SEMA3A: variants seen among roughly 807,000 people sequenced by gnomAD.
SEMA3A encodes the protein semaphorin 3A.
Under a neutral mutation model 97.9 loss-of-function variants are expected in SEMA3A, and 29 were observed. The observed-to-expected ratio is 0.30, with a 90% CI of 0.22 to 0.40. SEMA3A has a LOEUF of 0.40. SEMA3A is among the 10% of genes least tolerant of loss of function. SEMA3A has a pLI of 1.00. For synonymous variants in SEMA3A, 321 were observed against 323.7 expected (o/e 0.99, Z 0.09); for missense variants, 763 against 951.3 (o/e 0.80, Z 2.60).
At chr7:83,996,091 G>T (rs1257230811) in intron 12 of SEMA3A, among the ~76,000 whole-genome samples, 2 of 152,092 alleles carry the variant, frequency 1.3e-5, no homozygotes, top group Admixed American at 1.3e-4. Context: ...ACTTGTTGTA[G>T]CATTTCAGTC....
At chr7:84,006,923 G>A (rs1294013875) in intron 10 of SEMA3A, among the ~76,000 whole-genome samples, 2 of 151,940 alleles carry the variant, frequency 1.3e-5, no homozygotes, top group African/African-American at 4.8e-5. Context: ...AGGAATGTAA[G>A]GTTGTATTTC....
intron 3 of SEMA3A, among the ~76,000 whole-genome samples, chr7:84,303,088 A>C (rs747379360): frequency 2.0e-5 from 3 of 152,202 alleles, no homozygotes; most frequent in Non-Finnish European, 4.4e-5. Context: ...TTTTTCAAAG[A>C]GGTAGGTGAC....
At chr7:84,245,316 C>A (rs1799453970) in intron 3 of SEMA3A, among the ~76,000 whole-genome samples, 1 of 151,922 alleles carries the variant, frequency 6.6e-6, no homozygotes, top group Non-Finnish European at 1.5e-5. Flanking sequence ...CTAATCTTGT[C>A]TTCACACTTT....
At chr7:84,486,002 G>A (rs959420865) in intron 1 of SEMA3A, among the ~76,000 whole-genome samples, 10 of 152,194 alleles carry the variant, frequency 6.6e-5, no homozygotes, top group Non-Finnish European at 1.3e-4. Context: ...TTGGTGAAAT[G>A]GAAATTAGAC....
chr7:83,968,172 A>T (rs1367076415), intron 15 of SEMA3A, among the ~76,000 whole-genome samples: 1 of 152,210 alleles, frequency 6.6e-6, no homozygotes, highest in Non-Finnish European at 1.5e-5. Flanking sequence ...ATATTTTCTG[A>T]AAGATATGAA....
intron 2 of SEMA3A, among the ~76,000 whole-genome samples, chr7:84,131,379 A>G (rs1795957006): frequency 6.6e-6 from 1 of 152,056 alleles, no homozygotes; most frequent in African/African-American, 2.4e-5. Flanking sequence ...TCTTATTCTC[A>G]TTTTCAAAGT....
chr7:84,174,603 G>A (rs1273215376), intron 1 of SEMA3A, among the ~76,000 whole-genome samples: 1 of 152,076 alleles, frequency 6.6e-6, no homozygotes, highest in Non-Finnish European at 1.5e-5. Flanking sequence ...TGTTATTTCA[G>A]TAAACTTAAT....
intron 4 of SEMA3A, among the ~76,000 whole-genome samples, chr7:84,063,936 T>C (rs1159324752): frequency 6.6e-6 from 1 of 150,764 alleles, no homozygotes; most frequent in Non-Finnish European, 1.5e-5. Context: ...AAGATACTCC[T>C]CGAGAAGAGC....
intron 2 of SEMA3A, 78 bp downstream of exon 2, chr7:84,134,716 C>A: frequency 8.8e-7 from 1 of 1,136,174 alleles, no homozygotes; most frequent in Non-Finnish European, 1.2e-6. Flanking sequence ...AGTAATCATG[C>A]TTTTAAATAG....
At chr7:84,152,201 C>G (rs1254235897) in intron 1 of SEMA3A, among the ~76,000 whole-genome samples, 1 of 151,446 alleles carries the variant, frequency 6.6e-6, no homozygotes, top group Non-Finnish European at 1.5e-5. Flanking sequence ...GGTATATACC[C>G]AAAGGACAAT....
intron 6 of SEMA3A, among the ~76,000 whole-genome samples, chr7:84,020,561 GT>G (rs1791291700): frequency 1.3e-5 from 2 of 151,456 alleles, no homozygotes; most frequent in Admixed American, 1.3e-4. Flanking sequence ...AATTTCTTAA[GT>G]TTATAAGTTT....
intron 3 of SEMA3A, chr7:84,306,352 AAAAT>A (rs1801154206): frequency 6.6e-6 from 1 of 152,102 alleles, no homozygotes; most frequent in African/African-American, 2.4e-5. Context: ...CAGATTTACT[AAAAT>A]AAAAATCAAA....
intron 1 of SEMA3A, among the ~76,000 whole-genome samples, chr7:84,446,781 G>T (rs2116354384): frequency 6.6e-6 from 1 of 152,284 alleles, no homozygotes; most frequent in Non-Finnish European, 1.5e-5. Context: ...TGGTAGTGGT[G>T]GCCCATGTGG....
chr7:84,356,105 T>C (rs1165388786), intron 2 of SEMA3A, among the ~76,000 whole-genome samples: 1 of 151,916 alleles, frequency 6.6e-6, no homozygotes, highest in Non-Finnish European at 1.5e-5. Context: ...CAATAAATAG[T>C]ACAGATATTT....
At chr7:84,487,740 T>C (rs1318685408) in intron 1 of SEMA3A, among the ~76,000 whole-genome samples, 1 of 152,138 alleles carries the variant, frequency 6.6e-6, no homozygotes, top group Non-Finnish European at 1.5e-5. Context: ...TCAGATCCTG[T>C]CACCACAGAT....
chr7:84,167,715 CA>C lies in SEMA3A; in HGVS notation c.112+26759del, dbSNP rs1335065552. On this transcript the variant is annotated intron_variant, in intron 1 of 16. Transcript: ENST00000265362. ...GGCTTTTCTATGTTAGACAGATACACAGTTTGAGAATTCCCAATTTCTTCAT... is the reference window on the plus strand; with the variant it reads ...GGCTTTTCTATGTTAGACAGATACACGTTTGAGAATTCCCAATTTCTTCAT... Among the ~76,000 whole-genome samples, 6 of 152,248 alleles carry C rather than the reference CA, an allele frequency of 3.9e-5. No homozygotes were observed. The East Asian group carries it at 9.6e-4, about 24-fold the overall frequency.
chr7:84,406,554 C>T (rs1804095649), intron 1 of SEMA3A, among the ~76,000 whole-genome samples: 2 of 152,072 alleles, frequency 1.3e-5, no homozygotes, highest in Non-Finnish European at 2.9e-5. Context: ...TTTTATGAGG[C>T]CAACATCATC....
intron 2 of SEMA3A, among the ~76,000 whole-genome samples, chr7:84,366,379 C>T (rs2106965): frequency 0.27 from 40,842 of 151,028 alleles, 5,958 homozygotes; most frequent in African/African-American, 0.38. Context: ...ACTTAAGCAT[C>T]AAACAAATAA....
rs548700026 is a variant in SEMA3A at position 84,150,879 on chromosome 7, G to A, written c.113-15928C>T. 2.0e-3 allele frequency among the ~76,000 whole-genome samples: 299 copies of A among 151,110 alleles called. 3 individuals carry two copies. The highest frequency in any genetic ancestry group is 6.8e-3 in the African/African-American group (282 of 41,230). On this transcript the variant is annotated intron_variant, in intron 1 of 16. Transcript: ENST00000265362. ...AAGAGAGCAGTGGTTCTCCCAGCAC[G>A]CAGCTGGAGATCTGAGAACGGGCAG...
Sources: allele counts gnomAD v4.1 joint callset (sites outside exome capture counted in the v4.1 genomes callset), GRCh38; gene constraint gnomAD v4.1.1; transcripts MANE v1.5; gene names NCBI Gene and HGNC (gene_info 2026-07-23, HGNC 2026-07-21).